Variants in SEPTIN9 observed in about 807,000 individuals in gnomAD.
SEPTIN9 encodes septin-9.
In SEPTIN9, 13 loss-of-function variants were observed where a neutral mutation model predicts 56.6. The ratio of observed to expected loss-of-function variants is 0.23; its 90% CI spans 0.15 to 0.37. The LOEUF is 0.37. SEPTIN9 is among the 10% of genes least tolerant of loss of function. The pLI, the probability that SEPTIN9 is intolerant of heterozygous loss-of-function variation, is 1.00. For synonymous variants in SEPTIN9, 332 were observed against 334.1 expected (o/e 0.99, Z 0.07); for missense variants, 650 against 823.1 (o/e 0.79, Z 2.57).
chr17:77,399,492 G>C (rs1272837972), intron 2 of SEPTIN9, among the ~76,000 whole-genome samples: 2 of 152,144 alleles, frequency 1.3e-5, no homozygotes, highest in Admixed American at 1.3e-4. Flanking sequence ...AGGACCGCGG[G>C]AGGCCCTGGG....
At position 77,323,500 on chromosome 17, in the gene SEPTIN9, A is replaced by G. The variant is rs2033018133; in HGVS notation, c.76+16303A>G. Reference sequence around the variant, plus strand: ...AGGCAGGGGAAGTGGCCGTCTGTGCATGGTCATGAATGCAGGCCCGGGGTC... The same window carrying G: ...AGGCAGGGGAAGTGGCCGTCTGTGCGTGGTCATGAATGCAGGCCCGGGGTC... On this transcript the variant is annotated intron_variant, in intron 2 of 11. Transcript: ENST00000427177. The surrounding 1 kb of genome is among the most constrained non-coding windows in gnomAD (Gnocchi z 6.8). Among the ~76,000 whole-genome samples, 2 of 152,144 alleles carry G rather than the reference A, an allele frequency of 1.3e-5. No individual in the cohort carries two copies. The highest frequency in any genetic ancestry group is 4.8e-5 in the African/African-American group (2 of 41,436).
intron 3 of SEPTIN9, among the ~76,000 whole-genome samples, chr17:77,459,081 C>T (rs769549232): frequency 6.6e-6 from 1 of 152,086 alleles, no homozygotes; most frequent in Non-Finnish European, 1.5e-5. Flanking sequence ...ACACGTGGCA[C>T]CACCAGCCCT....
At position 77,492,594 on chromosome 17, in the gene SEPTIN9, G is replaced by A. The variant is rs772649346; in HGVS notation, c.1381-27G>A. On this transcript the variant is annotated intron_variant, in intron 8 of 11. Transcript: ENST00000427177. The surrounding 1 kb of genome is among the most constrained non-coding windows in gnomAD (Gnocchi z 5.4). Reference sequence around the variant, plus strand: ...TGGGTAGAGCTTGCCACAGGGATGGGCCCATCTCTCTCCCTCCTTATCCCA... The same window carrying A: ...TGGGTAGAGCTTGCCACAGGGATGGACCCATCTCTCTCCCTCCTTATCCCA... 1.2e-6 allele frequency: 2 copies of A among 1,602,500 alleles called. No homozygotes were observed. The highest frequency in any genetic ancestry group is 1.1e-5 in the South Asian group (1 of 90,866).
chr17:77,295,562 G>A (rs1417397749), intron 1 of SEPTIN9, among the ~76,000 whole-genome samples: 2 of 152,188 alleles, frequency 1.3e-5, no homozygotes, highest in African/African-American at 2.4e-5. Context: ...AAAGCCAGCA[G>A]GCCTGGGGAC....
At chr17:77,376,962 G>C (rs2034949259) in intron 2 of SEPTIN9, 1 of 152,426 alleles carries the variant, frequency 6.6e-6, no homozygotes, top group South Asian at 2.1e-4. Flanking sequence ...CATCACCGAT[G>C]AGTTGCACAG....
Position 77,497,647 on chromosome 17 carries a change from C to A in SEPTIN9, c.1625+281C>A. ...TGTGGTCTGGCCCGTTAGAGCTGCC[C>A]GGTGGCCACTAAGGGCCCAGTGAGG... On this transcript the variant is annotated intron_variant, in intron 11 of 11. Transcript: ENST00000427177. 1 of 536,620 alleles carries A rather than the reference C, an allele frequency of 1.9e-6. No homozygotes were observed. Among genetic ancestry groups the A allele is most frequent in the Non-Finnish European group, 3.4e-6 (1 of 296,396 alleles). The allele number at this position is 536,620 out of a possible 1,614,324, so 33.2% of individuals were successfully genotyped here. A position where few individuals can be genotyped will look rare whatever the true frequency, so the allele number is the denominator to read the frequency against.
intron 3 of SEPTIN9, among the ~76,000 whole-genome samples, chr17:77,447,608 C>T (rs545699287): frequency 6.6e-6 from 1 of 152,340 alleles, no homozygotes; most frequent in African/African-American, 2.4e-5. Context: ...TTAGCGTGTG[C>T]CTAAAACATT....
chr17:77,314,812 C>T (rs764939406), intron 2 of SEPTIN9, among the ~76,000 whole-genome samples: 7 of 152,224 alleles, frequency 4.6e-5, no homozygotes, highest in Non-Finnish European at 8.8e-5. Context: ...GCCTCCTGGC[C>T]TGGTGTGGGG....
At chr17:77,443,255 T>C (rs1233357844) in intron 3 of SEPTIN9, among the ~76,000 whole-genome samples, 1 of 152,114 alleles carries the variant, frequency 6.6e-6, no homozygotes. Context: ...TGGGACACAC[T>C]TGATGTTGGC....
At chr17:77,288,104 ACT>A (rs1388277474) in intron 1 of SEPTIN9, 8 of 1,063,048 alleles carry the variant, frequency 7.5e-6, no homozygotes, top group Middle Eastern at 4.1e-4. Context: ...GGAGCGCTGG[ACT>A]CTCTCGCTGA....
intron 1 of SEPTIN9, among the ~76,000 whole-genome samples, chr17:77,297,814 GA>G (rs1424008179): frequency 6.6e-6 from 1 of 152,242 alleles, no homozygotes; most frequent in Non-Finnish European, 1.5e-5. Context: ...ATAGGACTAA[GA>G]GCTGTGGTGA....
intron 2 of SEPTIN9, among the ~76,000 whole-genome samples, chr17:77,368,244 C>T (rs1172242271): frequency 1.3e-5 from 2 of 151,672 alleles, no homozygotes; most frequent in Non-Finnish European, 2.9e-5. Flanking sequence ...GATGGGTGTA[C>T]AATGTGAATG....
At chr17:77,312,310 C>G (rs1450170524) in intron 2 of SEPTIN9, among the ~76,000 whole-genome samples, 1 of 152,174 alleles carries the variant, frequency 6.6e-6, no homozygotes, top group Non-Finnish European at 1.5e-5. Context: ...ACTCATAGAG[C>G]CCTTAGTTTC....
intron 2 of SEPTIN9, among the ~76,000 whole-genome samples, chr17:77,343,424 C>G (rs2033798591): frequency 6.6e-6 from 1 of 152,204 alleles, no homozygotes; most frequent in African/African-American, 2.4e-5. Flanking sequence ...ATGCCGCTTC[C>G]TTCATACCTT....
At chr17:77,401,176 G>C (rs528720168) in intron 2 of SEPTIN9, among the ~76,000 whole-genome samples, 14 of 152,290 alleles carry the variant, frequency 9.2e-5, no homozygotes, top group African/African-American at 2.9e-4. Flanking sequence ...ATCTGTACTG[G>C]GGGTACTGGT....
At chr17:77,285,281 ACT>A (rs1421343118) in intron 1 of SEPTIN9, among the ~76,000 whole-genome samples, 1 of 151,728 alleles carries the variant, frequency 6.6e-6, no homozygotes, top group African/African-American at 2.4e-5. Flanking sequence ...TCCCCTGGAA[ACT>A]CTCTGTGGGT....
chr17:77,364,560 C>A (rs2034516427), intron 2 of SEPTIN9, among the ~76,000 whole-genome samples: 1 of 152,118 alleles, frequency 6.6e-6, no homozygotes, highest in African/African-American at 2.4e-5. Flanking sequence ...GTGGAGGTGT[C>A]AACATGTAGC....
intron 3 of SEPTIN9, among the ~76,000 whole-genome samples, chr17:77,462,207 A>G (rs192518037): frequency 1.6e-4 from 25 of 152,334 alleles, no homozygotes; most frequent in Admixed American, 5.9e-4. Context: ...TTCATAAGGA[A>G]ATGAAGACCC....
chr17:77,449,705 C>T lies in SEPTIN9; in HGVS notation c.722-32439C>T, dbSNP rs1487546312. ...GTTTCTGGAGCTGCCCTTTAGGGGC[C>T]AGTGATGAGGGTGCCCTGGGCTGGG... On this transcript the variant is annotated intron_variant, in intron 3 of 11. Transcript: ENST00000427177. This position sits in a 1 kb window ranked among gnomAD's most constrained non-coding sequence, Gnocchi z 4.6. Among the ~76,000 whole-genome samples the T allele has an allele frequency of 6.6e-6, 1 of 152,096 alleles. No individual in the cohort carries two copies. The highest frequency in any genetic ancestry group is 2.4e-5 in the African/African-American group (1 of 41,400).
Sources: gnomAD v4.1 joint callset for allele counts (sites outside exome capture counted in the v4.1 genomes callset) on GRCh38, gnomAD v4.1.1 for gene constraint, Gnocchi (gnomAD v3.1) non-coding constraint, MANE v1.5 for transcripts, NCBI Gene and HGNC (gene_info 2026-07-23, HGNC 2026-07-21) for gene names.